Variants in SUN1 observed in about 807,000 individuals in gnomAD.
The protein encoded by SUN1 is SUN domain-containing protein 1.
Under a neutral mutation model 103.2 loss-of-function variants are expected in SUN1, and 61 were observed. The observed-to-expected ratio is 0.59, with a 90% CI of 0.48 to 0.73. The LOEUF (loss-of-function observed/expected upper bound fraction) is 0.73. Among genes scored for constraint, SUN1 ranks in the 30% least tolerant of loss-of-function variants. The pLI is 0.00. For missense variants in SUN1, 1,052 were observed against 1,034.6 expected (o/e 1.02, Z -0.23); for synonymous variants, 490 against 425.7 (o/e 1.15, Z -1.86).
At chr7:857,243 C>T (rs1239349805) in intron 12 of SUN1, among the ~76,000 whole-genome samples, 4 of 152,138 alleles carry the variant, frequency 2.6e-5, no homozygotes, top group Admixed American at 6.5e-5. Flanking sequence ...TCTCCTGTGC[C>T]CCATGTTCCT....
intron 1 of SUN1, among the ~76,000 whole-genome samples, chr7:825,419 A>C (rs1446361323): frequency 6.6e-6 from 1 of 152,200 alleles, no homozygotes; most frequent in East Asian, 1.9e-4. Flanking sequence ...AAAATTTTCA[A>C]ACAGCCTGAA....
At chr7:832,416 C>A, upstream of SUN1, 1 of 1,088,790 alleles carries the variant, frequency 9.2e-7, no homozygotes, top group Non-Finnish European at 1.4e-6. Flanking sequence ...AGTTGAGTTG[C>A]GTGTAGGCAG....
chr7:858,050 T>A (rs1408236023), intron 13 of SUN1, 93 bp downstream of exon 13: 2 of 1,319,344 alleles, frequency 1.5e-6, no homozygotes, highest in Admixed American at 2.8e-5. Flanking sequence ...TTTAATTTTT[T>A]ATTTATTTAT....
At chr7:854,443 C>A (rs545627992) in intron 10 of SUN1, among the ~76,000 whole-genome samples, 1 of 152,406 alleles carries the variant, frequency 6.6e-6, no homozygotes, top group African/African-American at 2.4e-5. Context: ...CAGGTTCTCA[C>A]TCGTATGGTC....
chr7:856,234 C>T (rs1827159452), intron 11 of SUN1, 124 bp from the exon 12 acceptor site: 3 of 937,852 alleles, frequency 3.2e-6, no homozygotes, highest in East Asian at 2.6e-5. Context: ...CACCCACAGG[C>T]AGATCTGGAC....
chr7:833,346 C>CAGGCTAGA (rs1799710068), intron 1 of SUN1: 1 of 150,738 alleles, frequency 6.6e-6, no homozygotes, highest in African/African-American at 2.4e-5. Context: ...AGAGTCTCAC[C>CAGGCTAGA]GTCGCCCAGG....
intron 6 of SUN1, 92 bp downstream of exon 6, chr7:851,574 AT>A: frequency 9.0e-7 from 1 of 1,106,948 alleles, no homozygotes; most frequent in Non-Finnish European, 1.3e-6. Flanking sequence ...TAAAAATCTC[AT>A]TTAGGCTCTC....
At chr7:842,478 G>T in intron 3 of SUN1, 1 of 244,018 alleles carries the variant, frequency 4.1e-6, no homozygotes, top group Non-Finnish European at 8.6e-6. Flanking sequence ...CATTACTTTT[G>T]TAGGATGTTT....
chr7:870,856 G>A (rs1449522905), intron 17 of SUN1, among the ~76,000 whole-genome samples: 2 of 150,702 alleles, frequency 1.3e-5, no homozygotes, highest in African/African-American at 4.9e-5. Context: ...TCGGTGCACT[G>A]TGTTACTAGC....
chr7:817,392 G>A, intron 1 of SUN1: 1 of 1,534,070 alleles, frequency 6.5e-7, no homozygotes, highest in Non-Finnish European at 8.7e-7. Flanking sequence ...CGCCTTCAAA[G>A]TGCCCAGAAT....
intron 1 of SUN1, 96 bp from the exon 2 acceptor site, chr7:838,702 C>T (rs1357023855): frequency 3.9e-6 from 5 of 1,269,226 alleles, no homozygotes; most frequent in Non-Finnish European, 3.2e-6. Context: ...CTTGAAAATC[C>T]ACAGTACATT....
intron 13 of SUN1, among the ~76,000 whole-genome samples, chr7:858,762 G>A (rs1047734735): frequency 1.3e-5 from 2 of 152,250 alleles, no homozygotes; most frequent in Admixed American, 6.5e-5. Flanking sequence ...AAGTCAGACA[G>A]TAGATTGGTA....
chr7:841,966 G>A lies in SUN1; in HGVS notation c.287G>A (p.Ser96Asn), dbSNP rs1810469846. The change falls in exon 3 of 19, where the codon AGC becomes AAC. Residue 96 changes from serine (S) to asparagine (N), a missense_variant. Ser to Asn is a conservative substitution (Grantham distance 46, BLOSUM62 1). This residue lies in a region of SUN1 where 846 missense variants were observed against 774.5 expected (regional missense o/e 1.09). Coordinates refer to ENST00000401592, the MANE Select transcript of SUN1 (RefSeq NM_001130965.3). Reference sequence around the variant, plus strand: ...CTTAGAACAACAAAACAGCGCAGAAGCACAAACAAATCAGCTTTTAGTATC... The same window carrying A: ...CTTAGAACAACAAAACAGCGCAGAAACACAAACAAATCAGCTTTTAGTATC... ...RAARTTKQRRSTNKSAFSINH... is the reference protein window; with the variant it reads ...RAARTTKQRRNTNKSAFSINH... 2 of 1,613,984 alleles carry A rather than the reference G, an allele frequency of 1.2e-6. No individual in the cohort carries two copies. The highest frequency in any genetic ancestry group is 3.3e-5 in the Admixed American group (2 of 59,978).
At chr7:859,524 G>A (rs769809184) in intron 13 of SUN1, among the ~76,000 whole-genome samples, 2 of 152,160 alleles carry the variant, frequency 1.3e-5, no homozygotes, top group Non-Finnish European at 2.9e-5. Context: ...AAGCAGCTAC[G>A]TGCCATTGTT....
rs149659805 is a variant in SUN1 at position 852,692 on chromosome 7, C to T, written c.910+25C>T. Reference sequence around the variant, plus strand: ...GGTAAGTCAAATCTGGCTGAGTTGCCTCCGATGGCTAAGCGGTACACACAT... The same window carrying T: ...GGTAAGTCAAATCTGGCTGAGTTGCTTCCGATGGCTAAGCGGTACACACAT... On this transcript the variant is annotated intron_variant, in intron 8 of 18. Transcript: ENST00000401592. The T allele has an allele frequency of 2.5e-6, 4 of 1,614,162 alleles. No individual in the cohort carries two copies. In the East Asian group the frequency reaches 8.9e-5, roughly 36 times the overall value.
intron 16 of SUN1, chr7:868,492 T>A (rs187999397): frequency 1.5e-4 from 46 of 298,522 alleles, no homozygotes; most frequent in East Asian, 2.1e-4. Context: ...GTTGGTCGGA[T>A]GGGGGGGCAG....
intron 1 of SUN1, chr7:817,188 G>C (rs908496265): frequency 3.7e-6 from 2 of 546,288 alleles, no homozygotes; most frequent in South Asian, 2.0e-5. Context: ...TCGACCTCCT[G>C]AGCGCGAGCT....
At chr7:861,536 G>A (rs1240117208) in intron 15 of SUN1, 72 bp downstream of exon 15, 3 of 1,474,690 alleles carry the variant, frequency 2.0e-6, no homozygotes, top group East Asian at 2.3e-5. Flanking sequence ...TTGAGAGGCT[G>A]TTGCCTACCC....
chr7:848,245 C>T (rs776376231), intron 5 of SUN1, among the ~76,000 whole-genome samples: 1 of 152,190 alleles, frequency 6.6e-6, no homozygotes, highest in Non-Finnish European at 1.5e-5. Flanking sequence ...GGTTGCTCCG[C>T]AGCACCCTCT....
Sources: gnomAD v4.1 joint callset for allele counts (sites outside exome capture counted in the v4.1 genomes callset) on GRCh38, gnomAD v4.1.1 for gene constraint, gnomAD v4.1.1 regional missense constraint, MANE v1.5 for transcripts, NCBI Gene and HGNC (gene_info 2026-07-23, HGNC 2026-07-21) for gene names.